RORB: variants seen among roughly 807,000 people sequenced by gnomAD.
RORB encodes RAR related orphan receptor B, also known as nuclear receptor ROR-beta.
Under a neutral mutation model 59.1 loss-of-function variants are expected in RORB, and 6 were observed. The observed-to-expected ratio is 0.10, with a 90% CI of 0.06 to 0.20. RORB has a LOEUF of 0.20. RORB is among the 10% of genes least tolerant of loss of function. The probability of loss-of-function intolerance (pLI) is 1.00; values close to 1 mark genes in which losing one functional copy is unlikely to be tolerated. For missense variants in RORB, 320 were observed against 560.5 expected, an observed-to-expected ratio of 0.57 and a Z score of 4.33; for synonymous variants, 215 against 204.5, an observed-to-expected ratio of 1.05 and a Z score of -0.44.
chr9:74,609,715 G>A (rs62569142), intron 1 of RORB, among the ~76,000 whole-genome samples: 47,184 of 152,074 alleles, frequency 0.31, 7,495 homozygotes, highest in Non-Finnish European at 0.35. Flanking sequence ...AGAAATTGAG[G>A]CACAGAGGGA....
chr9:74,685,738 A>G lies in RORB; in HGVS notation c.*120A>G. ...CAACATTAGGAATGTCCTGCACTTA[A>G]TAGAATTATTTTTCACCGCTACAGT... On this transcript the variant is annotated 3_prime_UTR_variant, in exon 10 of 10. Coordinates refer to ENST00000376896, the MANE Select transcript of RORB (RefSeq NM_006914.4). The G allele has an allele frequency of 1.5e-6, 1 of 666,274 alleles. No homozygotes were observed. The highest frequency in any genetic ancestry group is 2.3e-6 in the Non-Finnish European group (1 of 438,606). The allele number at this position is 666,274 out of a possible 1,614,324, so 41.3% of individuals were successfully genotyped here.
intron 1 of RORB, among the ~76,000 whole-genome samples, chr9:74,575,253 A>G (rs1467191478): frequency 6.6e-6 from 1 of 152,030 alleles, no homozygotes; most frequent in East Asian, 1.9e-4. Context: ...CTGAGTCTCA[A>G]CCTCCTTGAT....
At chr9:74,574,116 C>T (rs1027935006) in intron 1 of RORB, among the ~76,000 whole-genome samples, 8 of 152,108 alleles carry the variant, frequency 5.3e-5, no homozygotes, top group Non-Finnish European at 1.0e-4. Context: ...ACGGCCTCCT[C>T]ATTGTGTCTT....
chr9:74,519,334 CA>C (rs1450236252), intron 1 of RORB, among the ~76,000 whole-genome samples: 1 of 151,924 alleles, frequency 6.6e-6, no homozygotes, highest in East Asian at 1.9e-4. Context: ...GTGTGGGAGA[CA>C]GGGGAATTCA....
At chr9:74,544,319 C>G (rs1164320557) in intron 1 of RORB, among the ~76,000 whole-genome samples, 4 of 152,174 alleles carry the variant, frequency 2.6e-5, no homozygotes, top group African/African-American at 9.7e-5. Context: ...CTCACACACA[C>G]GCAAAGACTG....
rs183933633 is a variant in RORB, at chr9:74,549,792, A to G, written c.7+51809A>G. 1.6e-3 allele frequency among the ~76,000 whole-genome samples: 247 copies of G among 152,038 alleles called. 1 individual carries two copies. The Middle Eastern group carries it at 0.024, about 15-fold the overall frequency. On this transcript the variant is annotated intron_variant, in intron 1 of 9. Coordinates refer to ENST00000376896, the MANE Select transcript of RORB (RefSeq NM_006914.4). ...ACCCAGGCTGGAGTGCAGTGGCGCG[A>G]TCTGGGCTCACTGCGACCCTCCGCC... is the stretch of plus-strand genomic sequence containing the variant.
At chr9:74,508,593 G>T (rs76011407) in intron 1 of RORB, among the ~76,000 whole-genome samples, 3,205 of 152,064 alleles carry the variant, frequency 0.021, 45 homozygotes, top group Non-Finnish European at 0.031. Flanking sequence ...CTATAGTGAA[G>T]AAGGTGTAAA....
chr9:74,639,513 T>TA (rs879417522), intron 3 of RORB, among the ~76,000 whole-genome samples: 288 of 145,866 alleles, frequency 2.0e-3, no homozygotes, highest in African/African-American at 4.6e-3. Context: ...AAAAGGGTTT[T>TA]AAAAAAAAAA....
chr9:74,511,426 T>C (rs979677909), intron 1 of RORB, among the ~76,000 whole-genome samples: 2 of 152,008 alleles, frequency 1.3e-5, no homozygotes, highest in Non-Finnish European at 2.9e-5. Flanking sequence ...TTAGAAACTA[T>C]TTTCTTCTTC....
chr9:74,522,084 A>G (rs969634934), intron 1 of RORB, among the ~76,000 whole-genome samples: 3 of 151,834 alleles, frequency 2.0e-5, no homozygotes, highest in African/African-American at 4.8e-5. Context: ...CCTTTCTGCA[A>G]CAAAGCAGAA....
intron 1 of RORB, among the ~76,000 whole-genome samples, chr9:74,547,650 G>A (rs142955896): frequency 2.6e-5 from 4 of 152,286 alleles, no homozygotes; most frequent in Admixed American, 2.6e-4. Context: ...AATAGCCTGT[G>A]CAAAGGCCCT....
Position 74,687,182 on chromosome 9 carries a change from A to G in RORB, c.*1564A>G, listed in dbSNP as rs543563030. 2 of 152,168 alleles carry G rather than the reference A, an allele frequency of 1.3e-5. No homozygotes were observed. Among genetic ancestry groups the G allele is most frequent in the South Asian group, 4.2e-4 (2 of 4,808 alleles). The allele number at this position is 152,168 out of a possible 1,614,324, so 9.4% of individuals were successfully genotyped here. A position where few individuals can be genotyped will look rare whatever the true frequency, so the allele number is the denominator to read the frequency against. On this transcript the variant is annotated 3_prime_UTR_variant, in exon 10 of 10. Transcript: ENST00000376896. ...ATTTTCTGATACAAAATAAAACTTA[A>G]AAAAAAGAAAACAAGCTAAGAGAGA...
intron 1 of RORB, among the ~76,000 whole-genome samples, chr9:74,546,084 A>G (rs751234453): frequency 3.3e-5 from 5 of 152,254 alleles, no homozygotes; most frequent in African/African-American, 1.2e-4. Context: ...GAAGGAAAAT[A>G]TGTGAGCTTT....
At chr9:74,553,078 G>T (rs551139346) in intron 1 of RORB, among the ~76,000 whole-genome samples, 1 of 152,108 alleles carries the variant, frequency 6.6e-6, no homozygotes, top group African/African-American at 2.4e-5. Flanking sequence ...AGGGGAAGGA[G>T]CCTTGATAAA....
chr9:74,633,487 G>T lies in RORB; in HGVS notation c.94-1144G>T, dbSNP rs903619100. On this transcript the variant is annotated intron_variant, in intron 2 of 9. Coordinates refer to ENST00000376896, the MANE Select transcript of RORB (RefSeq NM_006914.4). ...CTCTTCCCAAAATTTCTCTTAGAAA[G>T]CTTAATGTAGACCATGATTTTGCTC... Among the ~76,000 whole-genome samples, 5 of 152,180 alleles carry T rather than the reference G, an allele frequency of 3.3e-5. No individual in the cohort carries two copies. The highest frequency in any genetic ancestry group is 4.8e-5 in the African/African-American group (2 of 41,446).
intron 1 of RORB, chr9:74,498,866 A>G (rs111499935): frequency 0.021 from 3,323 of 159,404 alleles, 74 homozygotes; most frequent in African/African-American, 0.046. Context: ...TGGGGTCTGC[A>G]GGGATGCGCG....
intron 1 of RORB, among the ~76,000 whole-genome samples, chr9:74,553,307 C>A (rs1826640569): frequency 6.6e-6 from 1 of 152,106 alleles, no homozygotes; most frequent in South Asian, 2.1e-4. Context: ...TTTCAGGAAC[C>A]AAACATTTCA....
intron 1 of RORB, among the ~76,000 whole-genome samples, chr9:74,554,394 T>TA (rs1223955880): frequency 1.3e-5 from 2 of 152,124 alleles, no homozygotes; most frequent in Non-Finnish European, 2.9e-5. Context: ...CAGGGAAAGA[T>TA]ATGCTTCACC....
At chr9:74,679,031 C>CAA (rs34377456) in intron 9 of RORB, among the ~76,000 whole-genome samples, 1 of 105,534 alleles carries the variant, frequency 9.5e-6, no homozygotes, top group Non-Finnish European at 2.1e-5. Flanking sequence ...GACTCTGTCT[C>CAA]AAAAAAAAAA....
Sources: allele counts gnomAD v4.1 joint callset (sites outside exome capture counted in the v4.1 genomes callset), GRCh38; gene constraint gnomAD v4.1.1; transcripts MANE v1.5; gene names NCBI Gene and HGNC (gene_info 2026-07-23, HGNC 2026-07-21).